The following CACHD1 variants were observed in gnomAD, a reference collection of about 807,000 sequenced individuals.
CACHD1 encodes VWFA and cache domain-containing protein 1.
CACHD1 carries 71 observed loss-of-function variants against 138.7 expected under a neutral mutation model. The ratio of observed to expected loss-of-function variants is 0.51; its 90% CI spans 0.42 to 0.62. The LOEUF (loss-of-function observed/expected upper bound fraction) is 0.62. CACHD1 is among the 20% of genes least tolerant of loss of function. The pLI, the probability that CACHD1 is intolerant of heterozygous loss-of-function variation, is 0.00. For synonymous variants in CACHD1, 578 were observed against 591.5 expected (o/e 0.98, Z 0.33); for missense variants, 1,389 against 1,625.3 (o/e 0.85, Z 2.50).
intron 1 of CACHD1, among the ~76,000 whole-genome samples, chr1:64,514,254 G>A (rs1227488568): frequency 6.6e-6 from 1 of 152,216 alleles, no homozygotes; most frequent in African/African-American, 2.4e-5. Flanking sequence ...ATGATTGCCA[G>A]TGAATGCTTT....
chr1:64,622,760 C>A (rs986116630), intron 4 of CACHD1, among the ~76,000 whole-genome samples: 2 of 152,142 alleles, frequency 1.3e-5, no homozygotes. Context: ...AAATAACAAA[C>A]CCATAAGGTA....
intron 9 of CACHD1, among the ~76,000 whole-genome samples, chr1:64,648,578 TA>T (rs1330555947): frequency 6.6e-6 from 1 of 152,228 alleles, no homozygotes; most frequent in Non-Finnish European, 1.5e-5. Flanking sequence ...CTAGATATTA[TA>T]AAATCTATGA....
At chr1:64,687,612 T>A (rs898248290) in intron 26 of CACHD1, among the ~76,000 whole-genome samples, 4 of 152,146 alleles carry the variant, frequency 2.6e-5, no homozygotes, top group African/African-American at 9.7e-5. Context: ...ACCCAGGACC[T>A]GTGACCAGCC....
At chr1:64,534,554 C>T (rs1002628707) in intron 1 of CACHD1, among the ~76,000 whole-genome samples, 12 of 152,214 alleles carry the variant, frequency 7.9e-5, no homozygotes, top group Non-Finnish European at 1.6e-4. Flanking sequence ...GATGACTTTG[C>T]ATAATATTTG....
intron 1 of CACHD1, among the ~76,000 whole-genome samples, chr1:64,477,994 T>C (rs1424977825): frequency 6.6e-6 from 1 of 152,222 alleles, no homozygotes; most frequent in East Asian, 1.9e-4. Context: ...GACATGTTTA[T>C]TGTATCCTTA....
intron 20 of CACHD1, 149 bp downstream of exon 20, chr1:64,675,710 GT>G: frequency 1.0e-6 from 1 of 1,003,162 alleles, no homozygotes; most frequent in Non-Finnish European, 1.5e-6. Flanking sequence ...GAGCTGTGCC[GT>G]TTGCAGCATC....
At chr1:64,515,349 A>C (rs1238858833) in intron 1 of CACHD1, among the ~76,000 whole-genome samples, 1 of 152,228 alleles carries the variant, frequency 6.6e-6, no homozygotes, top group East Asian at 1.9e-4. Context: ...GAAATAATAC[A>C]AACCCTACTA....
At chr1:64,561,874 A>AT (rs1553133308) in intron 2 of CACHD1, among the ~76,000 whole-genome samples, 1 of 151,140 alleles carries the variant, frequency 6.6e-6, no homozygotes, top group African/African-American at 2.4e-5. Context: ...AAAAAAAAAA[A>AT]AGTTTCTATT....
intron 4 of CACHD1, among the ~76,000 whole-genome samples, chr1:64,610,966 G>A (rs11208482): frequency 0.032 from 4,851 of 152,228 alleles, 257 homozygotes; most frequent in African/African-American, 0.11. Context: ...CCAAACCTCG[G>A]CTCTTGTCGC....
chr1:64,679,839 G>A, intron 24 of CACHD1, 83 bp downstream of exon 24: 3 of 1,457,776 alleles, frequency 2.1e-6, no homozygotes, highest in Non-Finnish European at 1.9e-6. Flanking sequence ...CTAAGGAACT[G>A]TCAGAACAGT....
intron 3 of CACHD1, among the ~76,000 whole-genome samples, chr1:64,592,597 C>T (rs764425785): frequency 3.3e-5 from 5 of 152,020 alleles, no homozygotes; most frequent in Non-Finnish European, 7.4e-5. Context: ...GTCCATATAG[C>T]AATTGAGGAT....
At chr1:64,528,616 T>C (rs1012269893) in intron 1 of CACHD1, among the ~76,000 whole-genome samples, 2 of 152,224 alleles carry the variant, frequency 1.3e-5, no homozygotes, top group African/African-American at 4.8e-5. Context: ...CTTTATTTTT[T>C]ATTTAATGTT....
At chr1:64,652,338 A>G in intron 10 of CACHD1, 28 bp downstream of exon 10, 1 of 1,569,954 alleles carries the variant, frequency 6.4e-7, no homozygotes, top group South Asian at 1.2e-5. Context: ...CATCCTAAGA[A>G]TACTTTTTTA....
At chr1:64,558,453 T>G (rs889652509) in intron 2 of CACHD1, among the ~76,000 whole-genome samples, 2 of 152,222 alleles carry the variant, frequency 1.3e-5, no homozygotes, top group Non-Finnish European at 2.9e-5. Flanking sequence ...ATTTTCCTTT[T>G]CCTTGTTCCA....
At chr1:64,682,170 T>A in intron 26 of CACHD1, 64 bp downstream of exon 26, 1 of 1,385,904 alleles carries the variant, frequency 7.2e-7, no homozygotes, top group African/African-American at 1.4e-5. Flanking sequence ...GGGATGATGC[T>A]CACACCCTAT....
intron 1 of CACHD1, among the ~76,000 whole-genome samples, chr1:64,546,341 T>TC (rs1338299521): frequency 8.8e-6 from 1 of 114,058 alleles, no homozygotes; most frequent in African/African-American, 5.2e-5. Flanking sequence ...TTTCGTTTAC[T>TC]TTTTTTTTTT....
At chr1:64,628,985 A>G (rs1557527172) in intron 4 of CACHD1, among the ~76,000 whole-genome samples, 1 of 152,204 alleles carries the variant, frequency 6.6e-6, no homozygotes, top group African/African-American at 2.4e-5. Flanking sequence ...GCCTATTAAC[A>G]TCACTGTTTT....
chr1:64,584,166 A>G (rs1267352430), intron 3 of CACHD1, among the ~76,000 whole-genome samples: 1 of 152,156 alleles, frequency 6.6e-6, no homozygotes, highest in Non-Finnish European at 1.5e-5. Flanking sequence ...CTCCTAGGGA[A>G]AGACATGTGG....
At chr1:64,652,632 C>T (rs1221660146) in intron 10 of CACHD1, among the ~76,000 whole-genome samples, 1 of 152,142 alleles carries the variant, frequency 6.6e-6, no homozygotes, top group Non-Finnish European at 1.5e-5. Context: ...GCCAACAAGC[C>T]TATGAAAACA....
Sources: allele counts gnomAD v4.1 joint callset (sites outside exome capture counted in the v4.1 genomes callset), GRCh38; gene constraint gnomAD v4.1.1; transcripts MANE v1.5; gene names NCBI Gene and HGNC (gene_info 2026-07-23, HGNC 2026-07-21).